Variants in DSCAM observed in about 807,000 individuals in gnomAD.
DSCAM encodes DS cell adhesion molecule, also known as cell adhesion molecule DSCAM.
Under a neutral mutation model 217.7 loss-of-function variants are expected in DSCAM, and 47 were observed. The ratio of observed to expected loss-of-function variants is 0.22; its 90% confidence interval spans 0.17 to 0.28. The LOEUF (loss-of-function observed/expected upper bound fraction) is 0.28, where lower values mean the gene tolerates loss of function less well. DSCAM is among the 10% of genes least tolerant of loss of function. The pLI is 1.00. For synonymous variants in DSCAM, 1,056 were observed against 1,015.3 expected, an observed-to-expected ratio of 1.04 and a Z score of -0.76; for missense variants, 2,080 against 2,618.3, an observed-to-expected ratio of 0.79 and a Z score of 4.49.
At chr21:40,438,600 C>T (rs1320250758) in intron 3 of DSCAM, among the ~76,000 whole-genome samples, 1 of 152,218 alleles carries the variant, frequency 6.6e-6, no homozygotes, top group Non-Finnish European at 1.5e-5. Flanking sequence ...TTGGACCTAT[C>T]ATTGCTGGTA....
rs542526880 is a variant in DSCAM at position 40,733,917 on chromosome 21, T to C, written c.44-25146A>G. On this transcript the variant is annotated intron_variant, in intron 1 of 32. Coordinates refer to ENST00000400454, the MANE Select transcript of DSCAM (RefSeq NM_001389.5). ...CTCAGACTTTGTCATAAACAGATGATATTTGATCTCCACCTGACCCCTCTC... is the reference window on the plus strand; with the variant it reads ...CTCAGACTTTGTCATAAACAGATGACATTTGATCTCCACCTGACCCCTCTC... 4.6e-5 allele frequency among the ~76,000 whole-genome samples: 7 copies of C among 152,272 alleles called. No individual in the cohort carries two copies. In the South Asian group the frequency reaches 1.5e-3, roughly 32 times the overall value.
chr21:40,748,245 G>T (rs778976214), intron 1 of DSCAM, among the ~76,000 whole-genome samples: 1 of 151,710 alleles, frequency 6.6e-6, no homozygotes, highest in Non-Finnish European at 1.5e-5. Context: ...GAAAGAAAAG[G>T]CATCCAAATT....
At chr21:40,399,123 A>T (rs1424900464) in intron 3 of DSCAM, among the ~76,000 whole-genome samples, 2 of 152,174 alleles carry the variant, frequency 1.3e-5, no homozygotes, top group African/African-American at 4.8e-5. Context: ...TAGAAAACTT[A>T]GCTGGGTGTG....
chr21:40,017,786 G>A (rs1330940131), intron 32 of DSCAM, among the ~76,000 whole-genome samples: 8 of 152,102 alleles, frequency 5.3e-5, no homozygotes, highest in African/African-American at 7.2e-5. Context: ...TCCTGACCTC[G>A]GGTGATCCAC....
chr21:40,200,240 T>C (rs7279870), intron 11 of DSCAM, among the ~76,000 whole-genome samples: 8,476 of 152,036 alleles, frequency 0.056, 552 homozygotes, highest in African/African-American at 0.16. Context: ...CTACAATTCA[T>C]CCCCCAAACT....
intron 21 of DSCAM, among the ~76,000 whole-genome samples, chr21:40,091,124 T>C (rs2089603500): frequency 6.6e-6 from 1 of 152,168 alleles, no homozygotes; most frequent in Non-Finnish European, 1.5e-5. Flanking sequence ...AAACTAGGTG[T>C]GAGGTAAATG....
At chr21:40,369,735 A>G (rs2074875433) in intron 3 of DSCAM, among the ~76,000 whole-genome samples, 1 of 152,182 alleles carries the variant, frequency 6.6e-6, no homozygotes, top group African/African-American at 2.4e-5. Flanking sequence ...GCACAAAAAT[A>G]TTAGACTACA....
intron 3 of DSCAM, among the ~76,000 whole-genome samples, chr21:40,682,960 T>TG (rs11445126): frequency 0.86 from 129,205 of 151,086 alleles, 55,689 homozygotes; most frequent in East Asian, 0.99. Flanking sequence ...GTCATAAGGG[T>TG]GGCCCCTAAT....
At chr21:40,342,898 C>T (rs1443983148) in intron 6 of DSCAM, among the ~76,000 whole-genome samples, 1 of 150,584 alleles carries the variant, frequency 6.6e-6, no homozygotes, top group African/African-American at 2.4e-5. Context: ...TCACATTAAT[C>T]GTTTTAGAGA....
intron 11 of DSCAM, among the ~76,000 whole-genome samples, chr21:40,252,313 G>T (rs1033551428): frequency 2.6e-5 from 4 of 152,088 alleles, no homozygotes; most frequent in African/African-American, 9.7e-5. Flanking sequence ...AGGTGGTATT[G>T]GGGTCCTGTG....
At chr21:40,225,230 C>T (rs1168617949) in intron 11 of DSCAM, among the ~76,000 whole-genome samples, 1 of 152,188 alleles carries the variant, frequency 6.6e-6, no homozygotes, top group Non-Finnish European at 1.5e-5. Context: ...TTTCCCTTCT[C>T]TTTACTGCCT....
At chr21:40,656,386 G>A (rs1236622661) in intron 3 of DSCAM, among the ~76,000 whole-genome samples, 1 of 151,312 alleles carries the variant, frequency 6.6e-6, no homozygotes, top group Non-Finnish European at 1.5e-5. Flanking sequence ...GCCAAGCCCT[G>A]TTGTGCATGA....
chr21:40,270,664 G>A (rs953725658), intron 11 of DSCAM, among the ~76,000 whole-genome samples: 2 of 152,140 alleles, frequency 1.3e-5, no homozygotes, highest in Non-Finnish European at 1.5e-5. Flanking sequence ...GGTGGGAGGT[G>A]ATTGGCTCAG....
intron 11 of DSCAM, among the ~76,000 whole-genome samples, chr21:40,202,337 T>C (rs1230524018): frequency 6.6e-6 from 1 of 152,162 alleles, no homozygotes; most frequent in African/African-American, 2.4e-5. Flanking sequence ...TGTACAGCTG[T>C]TTTTCATGGA....
At chr21:40,383,602 T>C (rs1025819790) in intron 3 of DSCAM, 18 of 152,236 alleles carry the variant, frequency 1.2e-4, no homozygotes, top group African/African-American at 4.3e-4. Context: ...ATCTTCACTA[T>C]TGCTCTAACA....
At chr21:40,240,635 A>G (rs1301538039) in intron 11 of DSCAM, among the ~76,000 whole-genome samples, 1 of 152,096 alleles carries the variant, frequency 6.6e-6, no homozygotes, top group Non-Finnish European at 1.5e-5. Flanking sequence ...TCCTCTGCTT[A>G]CTGAAACTGC....
intron 3 of DSCAM, among the ~76,000 whole-genome samples, chr21:40,382,438 C>T (rs1165178489): frequency 6.6e-6 from 1 of 152,136 alleles, no homozygotes; most frequent in Non-Finnish European, 1.5e-5. Flanking sequence ...GTCTATAAGG[C>T]CATAGGCTTG....
intron 21 of DSCAM, among the ~76,000 whole-genome samples, chr21:40,092,390 C>T (rs939838265): frequency 6.6e-6 from 1 of 152,164 alleles, no homozygotes; most frequent in Non-Finnish European, 1.5e-5. Context: ...CAGCAGTCAG[C>T]CTCCCTTGAC....
At chr21:40,704,711 C>T (rs2090694182) in intron 2 of DSCAM, among the ~76,000 whole-genome samples, 1 of 152,052 alleles carries the variant, frequency 6.6e-6, no homozygotes, top group Non-Finnish European at 1.5e-5. Context: ...GGGAGATGTC[C>T]TCTCAAAAAT....
Sources: allele counts gnomAD v4.1 joint callset (sites outside exome capture counted in the v4.1 genomes callset), GRCh38; gene constraint gnomAD v4.1.1; transcripts MANE v1.5; gene names NCBI Gene and HGNC (gene_info 2026-07-23, HGNC 2026-07-21).